JAK2: variants seen among roughly 807,000 people sequenced by gnomAD.
The protein encoded by JAK2 is tyrosine-protein kinase JAK2.
In JAK2, 86 loss-of-function variants were observed where a neutral mutation model predicts 139.3. The ratio of observed to expected loss-of-function variants is 0.62; its 90% CI spans 0.52 to 0.74. The LOEUF is 0.74. Ranked by LOEUF, JAK2 falls within the 30% of genes least tolerant of loss-of-function variation. The pLI, the probability that JAK2 is intolerant of heterozygous loss-of-function variation, is 0.00. For synonymous variants in JAK2, 490 were observed against 437.7 expected, an observed-to-expected ratio of 1.12 and a Z score of -1.49; for missense variants, 1,421 against 1,360.3, an observed-to-expected ratio of 1.04 and a Z score of -0.70.
intron 2 of JAK2, among the ~76,000 whole-genome samples, chr9:5,020,308 C>T (rs763673814): frequency 1.4e-4 from 22 of 152,200 alleles, no homozygotes; most frequent in Non-Finnish European, 2.6e-4. Context: ...TGACACTGGA[C>T]GTGGACAAAC....
chr9:5,046,216 T>C (rs919282157), intron 5 of JAK2, among the ~76,000 whole-genome samples: 4 of 152,222 alleles, frequency 2.6e-5, no homozygotes, highest in Non-Finnish European at 5.9e-5. Context: ...GTTTATCTTC[T>C]TTGCAGAGAT....
At chr9:5,040,959 TACAA>T (rs1816453961) in intron 4 of JAK2, 3 of 535,444 alleles carry the variant, frequency 5.6e-6, no homozygotes, top group Non-Finnish European at 7.0e-6. Context: ...AGAATCTCTA[TACAA>T]ACAAATATGT....
intron 2 of JAK2, among the ~76,000 whole-genome samples, chr9:5,011,810 G>A (rs188102072): frequency 1.2e-4 from 18 of 152,202 alleles, no homozygotes; most frequent in Admixed American, 7.8e-4. Flanking sequence ...TTGATCCTGC[G>A]GAGGCTTGGT....
rs1159373106 is a variant in JAK2, at chr9:5,022,194, T to G, written c.207T>G (p.Ile69Met). ...SGEYVAEEIC[I>M]AASKACGITP... ...AGTATGTTGCAGAAGAAATCTGTAT[T>G]GCTGCTTCTAAAGCTTGTGGTAAGT... is the stretch of plus-strand genomic sequence containing the variant. Residue 69 changes from isoleucine (I) to methionine (M), a missense_variant, in exon 3 of 25, where the codon ATT (isoleucine) becomes ATG (methionine). By Grantham distance (10) the Ile-to-Met change is conservative (BLOSUM62 1). Coordinates refer to ENST00000381652, the MANE Select transcript of JAK2 (RefSeq NM_004972.4). The G allele has an allele frequency of 6.2e-7, 1 of 1,613,750 alleles. No individual in the cohort carries two copies. Among genetic ancestry groups the G allele is most frequent in the Non-Finnish European group, 8.5e-7 (1 of 1,179,650 alleles).
At chr9:5,119,216 A>C (rs1449044031) in intron 22 of JAK2, among the ~76,000 whole-genome samples, 1 of 152,130 alleles carries the variant, frequency 6.6e-6, no homozygotes, top group African/African-American at 2.4e-5. Flanking sequence ...AGAAAAACTC[A>C]GACTTCATTT....
intron 22 of JAK2, chr9:5,110,662 C>G (rs548530872): frequency 4.1e-6 from 1 of 241,032 alleles, no homozygotes; most frequent in South Asian, 5.2e-5. Flanking sequence ...ACCACAAATA[C>G]TGTCATATAC....
intron 2 of JAK2, among the ~76,000 whole-genome samples, chr9:4,993,851 C>A (rs568293948): frequency 6.6e-6 from 1 of 152,236 alleles, no homozygotes; most frequent in Non-Finnish European, 1.5e-5. Context: ...ATTCTCCCCA[C>A]GTCTGTGTGG....
At chr9:5,005,047 G>C (rs1397575120) in intron 2 of JAK2, among the ~76,000 whole-genome samples, 1 of 129,084 alleles carries the variant, frequency 7.7e-6, no homozygotes, top group African/African-American at 3.0e-5. Flanking sequence ...CTCTTGAGTA[G>C]TTGGGACTGC....
chr9:5,087,212 G>A (rs1820194681), intron 19 of JAK2, among the ~76,000 whole-genome samples: 1 of 152,216 alleles, frequency 6.6e-6, no homozygotes, highest in Admixed American at 6.5e-5. Context: ...GTTACCCATG[G>A]CTGGGGAGGC....
In JAK2 at chr9:5,090,499, G is replaced by C; in HGVS notation, c.2815G>C (p.Asp939His). Residue 939 changes from aspartate (D) to histidine (H), a missense_variant, in exon 21 of 25, where the codon GAC becomes CAC. Physicochemically the swap from Asp to His is moderately conservative, Grantham distance 81. Transcript: ENST00000381652. ...MEYLPYGSLR[D>H]YLQKHKERID... ...ATATTTACCATATGGAAGTTTACGA[G>C]ACTATCTTCAAAAACATAAAGAACG... The C allele has an allele frequency of 6.3e-7, 1 of 1,591,006 alleles. No homozygotes were observed. The highest frequency in any genetic ancestry group is 8.6e-7 in the Non-Finnish European group (1 of 1,168,262).
chr9:5,045,283 C>A lies in JAK2; in HGVS notation c.468+763C>A, dbSNP rs536875078. On this transcript the variant is annotated intron_variant, in intron 5 of 24. Transcript: ENST00000381652. ...TTTGCTAATATTGTAGGAAACAAGC[C>A]CACAGATCCTCATGGCTCGCATTTC... 2.6e-5 allele frequency among the ~76,000 whole-genome samples: 4 copies of A among 152,138 alleles called. No individual in the cohort carries two copies. The South Asian group carries it at 8.3e-4, about 32-fold the overall frequency.
At chr9:5,007,641 T>C (rs1302015951) in intron 2 of JAK2, among the ~76,000 whole-genome samples, 1 of 152,024 alleles carries the variant, frequency 6.6e-6, no homozygotes, top group Non-Finnish European at 1.5e-5. Flanking sequence ...AGTAATTGCG[T>C]TTTTTACTCA....
chr9:5,011,721 C>T (rs1483562197), intron 2 of JAK2, among the ~76,000 whole-genome samples: 6 of 151,924 alleles, frequency 3.9e-5, no homozygotes, highest in Non-Finnish European at 8.8e-5. Context: ...GTAGAAACTC[C>T]GGATGATGTG....
chr9:5,129,203 G>A lies in JAK2; in HGVS notation c.*2412G>A, dbSNP rs963265693. Among the ~76,000 whole-genome samples, 1 of 151,996 alleles carries A rather than the reference G, an allele frequency of 6.6e-6. No individual in the cohort carries two copies. The highest frequency in any genetic ancestry group is 1.5e-5 in the Non-Finnish European group (1 of 67,948). ...TAGAGCCAATCTTGATGGTGGGTGT[G>A]GCATTATGTGCTCACTTTATTGAGC... On this transcript the variant is annotated 3_prime_UTR_variant, in exon 25 of 25. Coordinates refer to ENST00000381652, the MANE Select transcript of JAK2 (RefSeq NM_004972.4).
At chr9:5,094,807 ACACACTATGTATT>A (rs1191399292) in intron 22 of JAK2, 2 of 152,190 alleles carry the variant, frequency 1.3e-5, no homozygotes, top group African/African-American at 4.8e-5. Context: ...TAGGAGTACT[ACACACTATGTATT>A]CACCAGAACT....
At chr9:5,115,157 TC>T (rs765023531) in intron 22 of JAK2, among the ~76,000 whole-genome samples, 3 of 152,066 alleles carry the variant, frequency 2.0e-5, no homozygotes, top group Non-Finnish European at 4.4e-5. Flanking sequence ...TTTTTTGCAA[TC>T]TAGCCACCTG....
In JAK2 at chr9:5,050,764, G is replaced by T; in HGVS notation, c.547G>T (p.Val183Leu). The T allele has an allele frequency of 6.2e-7, 1 of 1,613,096 alleles. No homozygotes were observed. Among genetic ancestry groups the T allele is most frequent in the Non-Finnish European group, 8.5e-7 (1 of 1,179,142 alleles). Residue 183 changes from valine (V) to leucine (L), a missense_variant, in exon 6 of 25, where the codon GTG (valine) becomes TTG (leucine). By Grantham distance (32) the Val-to-Leu change is conservative. Transcript: ENST00000381652. The stretch of plus-strand genomic sequence containing the variant: ...ACAGGAAGAATGTCTTGGGATGGCA[G>T]TGTTAGATATGATGAGAATAGCCAA... ...ETQEECLGMA[V>L]LDMMRIAKEN... is the part of the protein sequence containing the mutation.
At chr9:5,050,909 C>A in intron 6 of JAK2, 78 bp downstream of exon 6, 1 of 1,269,952 alleles carries the variant, frequency 7.9e-7, no homozygotes, top group Non-Finnish European at 1.1e-6. Flanking sequence ...TCTGTGTTTA[C>A]CCATGCCTTT....
chr9:5,012,743 T>C (rs558078531), intron 2 of JAK2, among the ~76,000 whole-genome samples: 2 of 152,222 alleles, frequency 1.3e-5, no homozygotes, highest in Non-Finnish European at 2.9e-5. Context: ...TTATAAGGTA[T>C]TGAAGCCTAT....
Sources: allele counts gnomAD v4.1 joint callset (sites outside exome capture counted in the v4.1 genomes callset), GRCh38; gene constraint gnomAD v4.1.1; transcripts MANE v1.5; gene names NCBI Gene and HGNC (gene_info 2026-07-23, HGNC 2026-07-21).